Variants in COMMD7 observed in about 807,000 individuals in gnomAD.
COMMD7 encodes COMM domain containing 7.
A neutral mutation model predicts 34.8 loss-of-function variants in COMMD7; 28 were observed. The ratio of observed to expected loss-of-function variants is 0.80; its 90% CI spans 0.60 to 1.10. The LOEUF (loss-of-function observed/expected upper bound fraction) is 1.10. COMMD7 is among the 50% of genes least tolerant of loss of function. COMMD7 has a pLI of 0.00. For missense variants in COMMD7, 211 were observed against 241.6 expected, an observed-to-expected ratio of 0.87 and a Z score of 0.84; for synonymous variants, 80 against 86.4, an observed-to-expected ratio of 0.93 and a Z score of 0.41.
At chr20:32,712,898 C>A (rs911135902) in intron 3 of COMMD7, among the ~76,000 whole-genome samples, 1 of 151,100 alleles carries the variant, frequency 6.6e-6, no homozygotes, top group Non-Finnish European at 1.5e-5. Flanking sequence ...ACTATAGGCA[C>A]GCACCACCAT....
At position 32,743,382 on chromosome 20, in the gene COMMD7, G is replaced by A; in HGVS notation, c.10C>T (p.Leu4=). The change falls in exon 1 of 9, where the codon CTG becomes TTG. Residue 4 remains leucine (L), a synonymous_variant. Coordinates refer to ENST00000278980, the MANE Select transcript of COMMD7 (RefSeq NM_053041.3). MGR[L]HCTEDPVPEA... ...GGCACCGGGTCCTCAGTGCAGTGCA[G>A]GCGGCCCATGGCGCGCGCCCCAGCC... is the stretch of plus-strand genomic sequence containing the variant. The A allele has an allele frequency of 1.4e-6, 2 of 1,400,430 alleles. No individual in the cohort carries two copies. The highest frequency in any genetic ancestry group is 1.8e-6 in the Non-Finnish European group (2 of 1,082,898). The allele number at this position is 1,400,430 out of a possible 1,614,324, so 86.8% of individuals were successfully genotyped here.
intron 1 of COMMD7, among the ~76,000 whole-genome samples, chr20:32,735,996 G>A (rs1281689273): frequency 1.3e-5 from 2 of 152,124 alleles, no homozygotes; most frequent in Non-Finnish European, 2.9e-5. Context: ...CCTGGGACTG[G>A]CCACGGGCAT....
At chr20:32,741,925 C>G (rs1986466314) in intron 1 of COMMD7, among the ~76,000 whole-genome samples, 1 of 152,118 alleles carries the variant, frequency 6.6e-6, no homozygotes, top group African/African-American at 2.4e-5. Context: ...CAGTGGCTCA[C>G]GCCTGTAATC....
In COMMD7 at chr20:32,724,557, G is replaced by A. The variant is rs2145755734; in HGVS notation, c.241+3336C>T. Among the ~76,000 whole-genome samples, 2 of 1,948 alleles carry A rather than the reference G, an allele frequency of 1.0e-3. 1 individual carries two copies. Among genetic ancestry groups the A allele is most frequent in the African/African-American group, 4.1e-3 (2 of 492 alleles). 1.3% of individuals were successfully genotyped at this position (1,948 alleles called of 152,430 possible). On this transcript the variant is annotated intron_variant, in intron 3 of 8. Transcript: ENST00000278980. ...GATGGTTGCCGTGTCTGTGTAGAAA[G>A]AAGTAGACATGGGAGACTTTTCATT...
chr20:32,705,000 T>C (rs1983980018), intron 5 of COMMD7, 96 bp from the exon 6 acceptor site: 1 of 869,748 alleles, frequency 1.1e-6, no homozygotes, highest in Non-Finnish European at 1.9e-6. Flanking sequence ...TTGACACAGA[T>C]AGTGGGGAGG....
In COMMD7 at chr20:32,723,151, T is replaced by C. The variant is rs953510337; in HGVS notation, c.241+4742A>G. Among the ~76,000 whole-genome samples, 2 of 48,600 alleles carry C rather than the reference T, an allele frequency of 4.1e-5. 1 individual carries two copies. Among genetic ancestry groups the C allele is most frequent in the East Asian group, 7.0e-4 (2 of 2,872 alleles). 31.9% of individuals were successfully genotyped at this position (48,600 alleles called of 152,430 possible). A position where few individuals can be genotyped will look rare whatever the true frequency, so the allele number is the denominator to read the frequency against. On this transcript the variant is annotated intron_variant, in intron 3 of 8. Transcript: ENST00000278980. ...CTCCCTCTCCGTCTCCGTCTCCGTC[T>C]CCGTCTCCCTCTCCCTCTCCCCACG...
In COMMD7 at chr20:32,704,069, T is replaced by C; in HGVS notation, c.480A>G (p.Leu160=). The change falls in exon 8 of 9, where the codon CTA becomes CTG. Residue 160 remains leucine, a splice_region_variant and synonymous_variant. Coordinates refer to ENST00000278980, the MANE Select transcript of COMMD7 (RefSeq NM_053041.3). ...GATTTCCTTTCTTAACCACCAACTT[T>C]AGCTGATGAAAGAAAAAGAAATAAT... ...LEKVGSIFLQ[L]KLVVKKGNQT... is the part of the protein sequence containing the mutation. 1 of 1,590,994 alleles carries C rather than the reference T, an allele frequency of 6.3e-7. No homozygotes were observed. The highest frequency in any genetic ancestry group is 8.6e-7 in the Non-Finnish European group (1 of 1,167,508).
chr20:32,704,348 C>A, intron 7 of COMMD7, 92 bp downstream of exon 7: 1 of 1,228,038 alleles, frequency 8.1e-7, no homozygotes, highest in South Asian at 1.4e-5. Flanking sequence ...TTCAGTAAAA[C>A]ATCCATTTAA....
chr20:32,707,500 A>G (rs1257233679), intron 3 of COMMD7, among the ~76,000 whole-genome samples: 2 of 151,228 alleles, frequency 1.3e-5, no homozygotes, highest in African/African-American at 2.4e-5. Context: ...TTGTATTTTT[A>G]GTAGAGACTG....
chr20:32,720,243 C>T (rs1985065842), intron 3 of COMMD7, among the ~76,000 whole-genome samples: 1 of 152,114 alleles, frequency 6.6e-6, no homozygotes, highest in African/African-American at 2.4e-5. Flanking sequence ...GCCTATAATC[C>T]CATCACTTTG....
intron 1 of COMMD7, among the ~76,000 whole-genome samples, chr20:32,736,234 G>A (rs938971181): frequency 6.6e-6 from 1 of 152,136 alleles, no homozygotes; most frequent in Non-Finnish European, 1.5e-5. Flanking sequence ...TACTACTTGA[G>A]GCCTACACCT....
At chr20:32,733,890 A>C (rs182102886) in intron 1 of COMMD7, among the ~76,000 whole-genome samples, 1 of 147,718 alleles carries the variant, frequency 6.8e-6, no homozygotes, top group African/African-American at 2.5e-5. Context: ...TCAAAAAAAA[A>C]AAAGAAGGCC....
intron 3 of COMMD7, among the ~76,000 whole-genome samples, chr20:32,714,414 G>A (rs535702923): frequency 1.3e-5 from 2 of 152,226 alleles, no homozygotes; most frequent in East Asian, 3.9e-4. Context: ...TAAAAATAGG[G>A]CCGGGCACGG....
intron 5 of COMMD7, among the ~76,000 whole-genome samples, 171 bp from the exon 6 acceptor site, chr20:32,705,075 G>T (rs532998406): frequency 2.8e-4 from 42 of 152,112 alleles, no homozygotes; most frequent in African/African-American, 9.9e-4. Context: ...ACCTAGGGAT[G>T]GAGGAGGGCA....
At chr20:32,721,070 A>C (rs1159031579) in intron 3 of COMMD7, among the ~76,000 whole-genome samples, 1 of 152,230 alleles carries the variant, frequency 6.6e-6, no homozygotes, top group Non-Finnish European at 1.5e-5. Context: ...ACAGATAAAA[A>C]ACATATCTCA....
intron 1 of COMMD7, among the ~76,000 whole-genome samples, chr20:32,731,518 C>T (rs963259363): frequency 6.6e-6 from 1 of 151,948 alleles, no homozygotes; most frequent in African/African-American, 2.4e-5. Flanking sequence ...CCTATCTCTC[C>T]CTTCCCAAGC....
At chr20:32,722,457 G>C (rs1425448183) in intron 3 of COMMD7, among the ~76,000 whole-genome samples, 1 of 152,104 alleles carries the variant, frequency 6.6e-6, no homozygotes, top group Non-Finnish European at 1.5e-5. Flanking sequence ...GGGTGTGATG[G>C]CTCATGCCTG....
chr20:32,703,228 T>G lies in COMMD7; in HGVS notation c.*154A>C. ...GGGCTCTTTCAGTACTTAATCCTGCTGTTTTTCAGAAACCCTTTGCACCTG... is the reference window on the plus strand; with the variant it reads ...GGGCTCTTTCAGTACTTAATCCTGCGGTTTTTCAGAAACCCTTTGCACCTG... On this transcript the variant is annotated 3_prime_UTR_variant, in exon 9 of 9. Coordinates refer to ENST00000278980, the MANE Select transcript of COMMD7 (RefSeq NM_053041.3). The G allele has an allele frequency of 1.6e-6, 1 of 616,926 alleles. No homozygotes were observed. Among genetic ancestry groups the G allele is most frequent in the Non-Finnish European group, 2.8e-6 (1 of 355,222 alleles). 38.2% of individuals were successfully genotyped at this position (616,926 alleles called of 1,614,324 possible). A position where few individuals can be genotyped will look rare whatever the true frequency, so the allele number is the denominator to read the frequency against.
At chr20:32,733,744 G>C (rs1985977002) in intron 1 of COMMD7, among the ~76,000 whole-genome samples, 1 of 149,102 alleles carries the variant, frequency 6.7e-6, no homozygotes, top group South Asian at 2.1e-4. Flanking sequence ...AATTAGCCAG[G>C]CGTGGTGGTG....
Sources: allele counts gnomAD v4.1 joint callset (sites outside exome capture counted in the v4.1 genomes callset), GRCh38; gene constraint gnomAD v4.1.1; transcripts MANE v1.5; gene names NCBI Gene and HGNC (gene_info 2026-07-23, HGNC 2026-07-21).